KYAT1: variants seen among roughly 807,000 people sequenced by gnomAD.
The protein encoded by KYAT1 is kynurenine--oxoglutarate transaminase 1.
Under a neutral mutation model 52.4 loss-of-function variants are expected in KYAT1, and 47 were observed. The ratio of observed to expected loss-of-function variants is 0.90; its 90% CI spans 0.71 to 1.14. KYAT1 has a LOEUF of 1.14. Ranked by LOEUF, KYAT1 falls within the 50% of genes most tolerant of loss-of-function variation. The pLI, the probability that KYAT1 is intolerant of heterozygous loss-of-function variation, is 0.00. For missense variants in KYAT1, 480 were observed against 557.9 expected (o/e 0.86, Z 1.41); for synonymous variants, 212 against 209.6 (o/e 1.01, Z -0.10).
intron 1 of KYAT1, among the ~76,000 whole-genome samples, chr9:128,865,359 A>ATATATTTTT (rs1836206985): frequency 3.7e-5 from 1 of 27,306 alleles, no homozygotes; most frequent in African/African-American, 3.4e-4. Flanking sequence ...ATATATATAT[A>ATATATTTTT]TTTTTTTTTT....
At chr9:128,834,831 CAAAAA>C (rs35785668) in intron 11 of KYAT1, among the ~76,000 whole-genome samples, 2 of 25,862 alleles carry the variant, frequency 7.7e-5, no homozygotes, top group African/African-American at 3.2e-4. Flanking sequence ...GACTCTGTCT[CAAAAA>C]AAAAAAAAAA....
chr9:128,867,221 T>C (rs1429724368), intron 1 of KYAT1, among the ~76,000 whole-genome samples: 6 of 152,192 alleles, frequency 3.9e-5, no homozygotes, highest in Admixed American at 3.9e-4. Context: ...GCTCTGTCAC[T>C]CAGTCTGGAG....
chr9:128,878,150 T>C (rs1838295095), intron 1 of KYAT1, among the ~76,000 whole-genome samples: 1 of 152,116 alleles, frequency 6.6e-6, no homozygotes, highest in Admixed American at 6.6e-5. Context: ...CTTTTTTTTT[T>C]TTTTGAGACA....
chr9:128,868,894 C>T (rs142288525), intron 1 of KYAT1, among the ~76,000 whole-genome samples: 105 of 151,840 alleles, frequency 6.9e-4, no homozygotes, highest in African/African-American at 1.4e-3. Flanking sequence ...TTAGTAGAGA[C>T]GGGGTTTCAC....
Position 128,833,121 on chromosome 9 carries a change from T to G in KYAT1, c.*463A>C, listed in dbSNP as rs1275594174. Reference sequence around the variant, plus strand: ...CAGAGAGAAGCCGTCAATAAGGATCTTAATAACTTAAACATTTTATTATGG... The same window carrying G: ...CAGAGAGAAGCCGTCAATAAGGATCGTAATAACTTAAACATTTTATTATGG... On this transcript the variant is annotated 3_prime_UTR_variant, in exon 13 of 13. Transcript: ENST00000302586. 1 of 174,626 alleles carries G rather than the reference T, an allele frequency of 5.7e-6. No homozygotes were observed. Among genetic ancestry groups the G allele is most frequent in the East Asian group, 1.6e-4 (1 of 6,374 alleles). The allele number at this position is 174,626 out of a possible 1,614,324, so 10.8% of individuals were successfully genotyped here.
At position 128,835,421 on chromosome 9, in the gene KYAT1, ACT is replaced by A. The variant is rs1830874207; in HGVS notation, c.1043-21_1043-20del. On this transcript the variant is annotated intron_variant, in intron 10 of 12. Coordinates refer to ENST00000302586, the MANE Select transcript of KYAT1 (RefSeq NM_004059.5). ...TTCCTCTCTGGGAGACAGAGGCCACACTGAGCCCCCTGCAGCCTCCAGCCCCT... is the reference window on the plus strand; with the variant it reads ...TTCCTCTCTGGGAGACAGAGGCCACAGAGCCCCCTGCAGCCTCCAGCCCCT... The A allele has an allele frequency of 1.2e-6, 2 of 1,613,906 alleles. No individual in the cohort carries two copies. The highest frequency in any genetic ancestry group is 1.7e-6 in the Non-Finnish European group (2 of 1,179,914).
In KYAT1 at chr9:128,849,752, C is replaced by A. The variant is rs1398971115; in HGVS notation, c.-6-4341G>T. 7.5e-5 allele frequency among the ~76,000 whole-genome samples: 11 copies of A among 146,030 alleles called. No homozygotes were observed. In the Admixed American group the frequency reaches 7.6e-4, roughly 10 times the overall value. On this transcript the variant is annotated intron_variant, in intron 1 of 12. Transcript: ENST00000302586. ...TGGAGGTTGCAGTGAGCCGAGATCACGCCACTGCACTCCAGCCTGGGAGAC... is the reference window on the plus strand; with the variant it reads ...TGGAGGTTGCAGTGAGCCGAGATCAAGCCACTGCACTCCAGCCTGGGAGAC...
Position 128,838,085 on chromosome 9 carries a change from G to A in KYAT1, c.404C>T (p.Ala135Val). The A allele has an allele frequency of 6.2e-7, 1 of 1,614,124 alleles. No individual in the cohort carries two copies. The change falls in exon 5 of 13, where the codon GCA becomes GTA. Residue 135 changes from alanine (A) to valine (V), a missense_variant. Ala to Val is a moderately conservative substitution (Grantham distance 64). Transcript: ENST00000302586. ...FDCYEPMTMMAGGRPVFVSLK... is the reference protein window; with the variant it reads ...FDCYEPMTMMVGGRPVFVSLK... ...GGACACAAACACAGGACGACCCCCT[G>A]CCATCATTGTCATGGGCTCGTAGCA... is the stretch of plus-strand genomic sequence containing the variant.
chr9:128,842,588 C>T (rs1832383458), intron 3 of KYAT1, 66 bp downstream of exon 3: 2 of 1,527,538 alleles, frequency 1.3e-6, no homozygotes, highest in Non-Finnish European at 1.8e-6. Flanking sequence ...GCTGTGTGGG[C>T]TTGAAGTCCA....
intron 1 of KYAT1, among the ~76,000 whole-genome samples, chr9:128,850,148 A>G (rs1334871017): frequency 1.3e-5 from 2 of 151,802 alleles, no homozygotes; most frequent in Non-Finnish European, 2.9e-5. Flanking sequence ...GGCCTCCCAC[A>G]GTGTTAGGAT....
At chr9:128,880,680 G>T (rs1182215938) in intron 1 of KYAT1, among the ~76,000 whole-genome samples, 1 of 151,944 alleles carries the variant, frequency 6.6e-6, no homozygotes, top group African/African-American at 2.4e-5. Flanking sequence ...CTGACCTCGT[G>T]ATCCGCCCGC....
chr9:128,857,060 G>A (rs1458179216), intron 1 of KYAT1, among the ~76,000 whole-genome samples: 1 of 152,264 alleles, frequency 6.6e-6, no homozygotes, highest in Non-Finnish European at 1.5e-5. Flanking sequence ...GGCGAGACAT[G>A]TTGGCAGCAA....
At chr9:128,882,025 G>A (rs185532204), upstream of KYAT1, 1 of 152,392 alleles carries the variant, frequency 6.6e-6, no homozygotes, top group Non-Finnish European at 1.5e-5. Context: ...CTAGCGCGGA[G>A]GCGAGAGCGG....
rs1830430088 is a variant in KYAT1, at chr9:128,833,200, G to A, written c.*384C>T. ...CCTAAAGGCAACTCCCCAAGGCCAA[G>A]ATGAGCCAGGGAAGGTGAGGTTATA... On this transcript the variant is annotated 3_prime_UTR_variant, in exon 13 of 13. Coordinates refer to ENST00000302586, the MANE Select transcript of KYAT1 (RefSeq NM_004059.5). The A allele has an allele frequency of 1.5e-5, 4 of 275,408 alleles. No homozygotes were observed. The South Asian group carries it at 2.9e-4, about 20-fold the overall frequency. 17.1% of individuals were successfully genotyped at this position (275,408 alleles called of 1,614,324 possible). A position where few individuals can be genotyped will look rare whatever the true frequency, so the allele number is the denominator to read the frequency against.
chr9:128,864,799 G>T (rs930934164), intron 1 of KYAT1, among the ~76,000 whole-genome samples: 12 of 151,992 alleles, frequency 7.9e-5, no homozygotes, highest in South Asian at 4.1e-4. Flanking sequence ...AGTAGAGACA[G>T]GGTTTCACCA....
chr9:128,876,601 A>C (rs1838076067), intron 1 of KYAT1, among the ~76,000 whole-genome samples: 1 of 142,492 alleles, frequency 7.0e-6, no homozygotes, highest in African/African-American at 2.6e-5. Context: ...TTGTATTTTT[A>C]GTAGAGACAG....
intron 11 of KYAT1, 57 bp downstream of exon 11, chr9:128,835,266 T>G: frequency 6.4e-5 from 93 of 1,464,550 alleles, no homozygotes; most frequent in Non-Finnish European, 8.3e-5. Flanking sequence ...TGGGCACCCT[T>G]GAGCAGCACA....
Position 128,833,530 on chromosome 9 carries a change from A to G in KYAT1, c.*54T>C, listed in dbSNP as rs1589603095. ...AAACCTGGACAAAGACAGACACTCAAAGAGGATCTCTGCGGGCATGTGGGG... is the reference window on the plus strand; with the variant it reads ...AAACCTGGACAAAGACAGACACTCAGAGAGGATCTCTGCGGGCATGTGGGG... On this transcript the variant is annotated 3_prime_UTR_variant, in exon 13 of 13. Coordinates refer to ENST00000302586, the MANE Select transcript of KYAT1 (RefSeq NM_004059.5). 1.3e-6 allele frequency: 2 copies of G among 1,544,072 alleles called. No homozygotes were observed. The highest frequency in any genetic ancestry group is 2.2e-5 in the East Asian group (1 of 44,530).
chr9:128,856,393 A>G (rs1834595611), intron 1 of KYAT1, among the ~76,000 whole-genome samples: 1 of 152,210 alleles, frequency 6.6e-6, no homozygotes, highest in Non-Finnish European at 1.5e-5. Context: ...GAGAGACAGC[A>G]ACCAGCGAAA....
Sources: gnomAD v4.1 joint callset for allele counts (sites outside exome capture counted in the v4.1 genomes callset) on GRCh38, gnomAD v4.1.1 for gene constraint, MANE v1.5 for transcripts, NCBI Gene and HGNC (gene_info 2026-07-23, HGNC 2026-07-21) for gene names.